Variants in EPRS1 observed in about 807,000 individuals in gnomAD.
EPRS1 encodes bifunctional glutamate/proline--tRNA ligase.
A neutral mutation model predicts 188.3 loss-of-function variants in EPRS1; 107 were observed. The ratio of observed to expected loss-of-function variants is 0.57; its 90% CI spans 0.49 to 0.67. The LOEUF is 0.67. EPRS1 is among the 30% of genes least tolerant of loss of function. EPRS1 has a pLI of 0.00. For synonymous variants in EPRS1, 596 were observed against 593.1 expected (o/e 1.00, Z -0.07); for missense variants, 1,577 against 1,802.2 (o/e 0.88, Z 2.26).
At chr1:220,018,220 T>C in intron 12 of EPRS1, 1 of 1,238,792 alleles carries the variant, frequency 8.1e-7, no homozygotes, top group Admixed American at 2.1e-5. Flanking sequence ...TTCCCCATAA[T>C]TCCAAGTTTG....
chr1:220,033,773 C>T (rs1419169948), intron 3 of EPRS1, 115 bp from the exon 4 acceptor site: 6 of 673,958 alleles, frequency 8.9e-6, no homozygotes, highest in Non-Finnish European at 1.5e-5. Flanking sequence ...CTATGCTTTT[C>T]CTTTCTCAAA....
At position 220,011,752 on chromosome 1, in the gene EPRS1, A is replaced by G. The variant is rs1347814799; in HGVS notation, c.1495-696T>C. Among the ~76,000 whole-genome samples, 7 of 152,200 alleles carry G rather than the reference A, an allele frequency of 4.6e-5. No individual in the cohort carries two copies. In the South Asian group the frequency reaches 1.2e-3, roughly 27 times the overall value. ...ATGCTCTAACCTATTCTACTTCCAAATCATCAGTAGCATCCCCTTCTGGAG... is the reference window on the plus strand; with the variant it reads ...ATGCTCTAACCTATTCTACTTCCAAGTCATCAGTAGCATCCCCTTCTGGAG... On this transcript the variant is annotated intron_variant, in intron 12 of 31. Coordinates refer to ENST00000366923, the MANE Select transcript of EPRS1 (RefSeq NM_004446.3).
rs1661061796 is a variant in EPRS1 at position 219,988,743 on chromosome 1, A to C, written c.2622T>G (p.Pro874=). Residue 874 remains proline, a synonymous_variant, in exon 19 of 32, where the codon CCT becomes CCG. Coordinates refer to ENST00000366923, the MANE Select transcript of EPRS1 (RefSeq NM_004446.3). ...AACTTTGAGATAATGGGGGCTGACC[A>C]GGTATGTACTCCTTCCCAGTTTTTT... ...YKEKTGKEYI[P]GQPPLSQSSD... The C allele has an allele frequency of 6.2e-7, 1 of 1,613,918 alleles. No individual in the cohort carries two copies. The highest frequency in any genetic ancestry group is 1.1e-5 in the South Asian group (1 of 91,072).
intron 2 of EPRS1, among the ~76,000 whole-genome samples, chr1:220,036,928 AC>A (rs908490786): frequency 2.5e-4 from 38 of 152,258 alleles, no homozygotes; most frequent in Middle Eastern, 3.4e-3. Flanking sequence ...TGTAAAAAAA[AC>A]AGAACACTCA....
chr1:220,018,004 G>A (rs1378165506), intron 12 of EPRS1: 5 of 472,044 alleles, frequency 1.1e-5, no homozygotes, highest in African/African-American at 6.2e-5. Context: ...TTTTCAATGC[G>A]TTTGTATAAG....
At chr1:220,008,356 G>A (rs539950552) in intron 13 of EPRS1, among the ~76,000 whole-genome samples, 29 of 151,308 alleles carry the variant, frequency 1.9e-4, no homozygotes, top group Admixed American at 1.6e-3. Flanking sequence ...AAAGAGATGC[G>A]GAGAATAAAA....
chr1:219,995,503 G>A (rs1661213555), intron 18 of EPRS1, among the ~76,000 whole-genome samples: 2 of 152,164 alleles, frequency 1.3e-5, no homozygotes, highest in South Asian at 4.1e-4. Flanking sequence ...ACCTCCCCAT[G>A]AGGTAAGAAA....
At position 220,032,519 on chromosome 1, in the gene EPRS1, A is replaced by C; in HGVS notation, c.396T>G (p.Ala132=). 7 of 1,612,874 alleles carry C rather than the reference A, an allele frequency of 4.3e-6. No individual in the cohort carries two copies. Among genetic ancestry groups the C allele is most frequent in the Non-Finnish European group, 5.9e-6 (7 of 1,179,718 alleles). ...LCVWATLKGN[A]AWQEQLKQKK... ...TCTGTTTCAACTGTTCTTGCCAGGC[A>C]GCATTTCCTATGAGCAAAGATAATT... is the stretch of plus-strand genomic sequence containing the variant. Residue 132 remains alanine (A), a synonymous_variant, in exon 5 of 32, where the codon GCT becomes GCG. Coordinates refer to ENST00000366923, the MANE Select transcript of EPRS1 (RefSeq NM_004446.3).
At position 220,040,264 on chromosome 1, in the gene EPRS1, A is replaced by G; in HGVS notation, c.52T>C (p.Leu18=). 1 of 1,593,124 alleles carries G rather than the reference A, an allele frequency of 6.3e-7. No homozygotes were observed. The highest frequency in any genetic ancestry group is 8.6e-7 in the Non-Finnish European group (1 of 1,163,230). ...TCTTTCACGTGTTCTACTGCCAGCA[A>G]AGCTCCTATAAATAATATGAAAAGA... ...VNSGDPPLGA[L]LAVEHVKDDV... is the part of the protein sequence containing the mutation. The change falls in exon 2 of 32, where the codon TTG becomes CTG. Residue 18 remains leucine, a synonymous_variant. Transcript: ENST00000366923.
chr1:219,992,903 A>G (rs1218672420), intron 18 of EPRS1, among the ~76,000 whole-genome samples: 1 of 152,172 alleles, frequency 6.6e-6, no homozygotes, highest in Non-Finnish European at 1.5e-5. Context: ...TGGGTGACAG[A>G]GCAAGACTCC....
chr1:219,988,960 C>G, intron 18 of EPRS1, 137 bp from the exon 19 acceptor site: 1 of 587,414 alleles, frequency 1.7e-6, no homozygotes, highest in African/African-American at 1.9e-5. Context: ...AAATCATCAG[C>G]CTACAATAAG....
At chr1:219,975,590 C>T (rs1193254309) in intron 28 of EPRS1, among the ~76,000 whole-genome samples, 2 of 152,078 alleles carry the variant, frequency 1.3e-5, no homozygotes, top group African/African-American at 2.4e-5. Flanking sequence ...GCACCCACCA[C>T]AAAGCCCATC....
At chr1:220,026,302 T>C (rs1461464577) in intron 6 of EPRS1, among the ~76,000 whole-genome samples, 1 of 152,108 alleles carries the variant, frequency 6.6e-6, no homozygotes, top group Non-Finnish European at 1.5e-5. Context: ...CAGCTGACAA[T>C]TGTAAGGAAG....
intron 12 of EPRS1, among the ~76,000 whole-genome samples, chr1:220,016,955 C>T (rs1045988020): frequency 2.0e-5 from 3 of 152,122 alleles, no homozygotes; most frequent in African/African-American, 7.2e-5. Context: ...TGGCTCACGC[C>T]TGTAATCACA....
rs1207657695 is a variant in EPRS1, at chr1:220,018,851, A to T, written c.1434+144T>A. 103 of 24,674 alleles carry T rather than the reference A, an allele frequency of 4.2e-3. 1 individual carries two copies. The highest frequency in any genetic ancestry group is 7.5e-3 in the Non-Finnish European group (35 of 4,664). 1.5% of individuals were successfully genotyped at this position (24,674 alleles called of 1,614,324 possible). A position where few individuals can be genotyped will look rare whatever the true frequency, so the allele number is the denominator to read the frequency against. The stretch of plus-strand genomic sequence containing the variant: ...CTTTAAAAAAAAAAAAGTTTGTTTT[A>T]AAAAAAAAAAAAAAATCTGCCCTTG... On this transcript the variant is annotated intron_variant, in intron 11 of 31. Coordinates refer to ENST00000366923, the MANE Select transcript of EPRS1 (RefSeq NM_004446.3).
chr1:220,016,120 C>T (rs182920631), intron 12 of EPRS1, among the ~76,000 whole-genome samples: 15 of 152,100 alleles, frequency 9.9e-5, no homozygotes, highest in African/African-American at 3.1e-4. Flanking sequence ...CTGAGGTGGG[C>T]GGATCACGAG....
intron 6 of EPRS1, among the ~76,000 whole-genome samples, chr1:220,027,402 C>A (rs1399596742): frequency 1.4e-5 from 2 of 145,328 alleles, no homozygotes; most frequent in South Asian, 2.2e-4. Flanking sequence ...CACTCCAGCC[C>A]GGGCGACAGA....
In EPRS1 at chr1:219,979,624, G is replaced by C; in HGVS notation, c.3712-9C>G. The C allele has an allele frequency of 6.3e-7, 1 of 1,590,092 alleles. No homozygotes were observed. The highest frequency in any genetic ancestry group is 8.6e-7 in the Non-Finnish European group (1 of 1,159,650). On this transcript the variant is annotated splice_polypyrimidine_tract_variant and intron_variant, in intron 26 of 31. Coordinates refer to ENST00000366923, the MANE Select transcript of EPRS1 (RefSeq NM_004446.3). ...TGATGTGATGTTCCTCCCTAAAATA[G>C]AGAGAGAAAAATAAGCTTCATTTTT... is the stretch of plus-strand genomic sequence containing the variant.
rs1021555173 is a variant in EPRS1, at chr1:219,969,141, A to G, written c.4324-19T>C. 6 of 1,528,664 alleles carry G rather than the reference A, an allele frequency of 3.9e-6. No individual in the cohort carries two copies. Among genetic ancestry groups the G allele is most frequent in the Non-Finnish European group, 5.4e-6 (6 of 1,102,938 alleles). 94.7% of individuals were successfully genotyped at this position (1,528,664 alleles called of 1,614,324 possible). ...GAACAATCTAATTAAGAAAAGGAAA[A>G]GTAATCAGTATTTATAACTCCTTCA... On this transcript the variant is annotated intron_variant, in intron 30 of 31. Coordinates refer to ENST00000366923, the MANE Select transcript of EPRS1 (RefSeq NM_004446.3).
Sources: allele counts gnomAD v4.1 joint callset (sites outside exome capture counted in the v4.1 genomes callset), GRCh38; gene constraint gnomAD v4.1.1; transcripts MANE v1.5; gene names NCBI Gene and HGNC (gene_info 2026-07-23, HGNC 2026-07-21).